Variants in ZFAT observed in about 807,000 individuals in gnomAD.
The protein encoded by ZFAT is zinc finger protein ZFAT.
ZFAT carries 64 observed loss-of-function variants against 117.7 expected under a neutral mutation model. The observed-to-expected ratio is 0.54, with a 90% CI of 0.44 to 0.67. The LOEUF (loss-of-function observed/expected upper bound fraction) is 0.67, where lower values mean the gene tolerates loss of function less well. ZFAT is among the 30% of genes least tolerant of loss of function. The pLI, the probability that ZFAT is intolerant of heterozygous loss-of-function variation, is 0.00. For missense variants in ZFAT, 1,433 were observed against 1,584.5 expected (o/e 0.90, Z 1.62); for synonymous variants, 679 against 615.0 (o/e 1.10, Z -1.54).
At chr8:134,809,956 G>C in the ZFAT span, among the ~76,000 whole-genome samples, 1 of 152,116 alleles carries the variant, frequency 6.6e-6, no homozygotes, top group Non-Finnish European at 1.5e-5. Flanking sequence ...AACACATAGA[G>C]CTAACTGAGT....
chr8:134,478,602 G>A lies in ZFAT; in HGVS notation c.3612C>T (p.Gly1204=). The A allele has an allele frequency of 1.9e-6, 3 of 1,591,834 alleles. No individual in the cohort carries two copies. The highest frequency in any genetic ancestry group is 2.6e-6 in the Non-Finnish European group (3 of 1,169,574). The change falls in exon 16 of 16, where the codon GGC becomes GGT. Residue 1204 remains glycine (G), a synonymous_variant. Transcript: ENST00000377838. The surrounding 1 kb of genome is among the most constrained non-coding windows in gnomAD (Gnocchi z 5.2). ...GCGTGTAGACAGTCACCGTCTCAAT[G>A]CCCTCCACGTCGTCGGAGGACACCA... is the stretch of plus-strand genomic sequence containing the variant. The part of the protein sequence containing the change: ...HLVVSSDDVE[G]IETVTVYTQG...
At chr8:134,553,510 T>C (rs1219848049) in intron 11 of ZFAT, among the ~76,000 whole-genome samples, 1 of 152,082 alleles carries the variant, frequency 6.6e-6, no homozygotes, top group Non-Finnish European at 1.5e-5. Context: ...CTCAGTGACA[T>C]ATTTATGTGG....
chr8:134,747,027 A>G, the ZFAT span, among the ~76,000 whole-genome samples: 3 of 152,158 alleles, frequency 2.0e-5, no homozygotes, highest in Admixed American at 1.3e-4. Flanking sequence ...ATCAGAGCCT[A>G]ATGTTTTATC....
At chr8:134,608,990 C>T (rs1828114980) in intron 4 of ZFAT, 111 bp from the exon 5 acceptor site, 2 of 1,281,220 alleles carry the variant, frequency 1.6e-6, no homozygotes, top group Non-Finnish European at 2.1e-6. Flanking sequence ...CTGTCTGATA[C>T]CCACGCAAGA....
chr8:134,780,582 C>A, the ZFAT span, among the ~76,000 whole-genome samples: 56,254 of 152,160 alleles, frequency 0.37, 10,942 homozygotes, highest in African/African-American at 0.48. Flanking sequence ...AGCCAGAAAT[C>A]GGGGTTCAAA....
chr8:134,506,434 G>A (rs767565404), intron 15 of ZFAT, among the ~76,000 whole-genome samples: 25 of 152,326 alleles, frequency 1.6e-4, no homozygotes, highest in Non-Finnish European at 2.9e-4. Context: ...ACAAGAAGTC[G>A]TTGAGGACAG....
chr8:134,545,928 GA>G (rs1045391121), intron 11 of ZFAT, among the ~76,000 whole-genome samples: 2 of 152,156 alleles, frequency 1.3e-5, no homozygotes, highest in African/African-American at 4.8e-5. Flanking sequence ...ACAGTAAAAA[GA>G]AATGTATGAC....
chr8:134,728,955 T>A, the ZFAT span, among the ~76,000 whole-genome samples: 2 of 152,210 alleles, frequency 1.3e-5, no homozygotes, highest in African/African-American at 4.8e-5. Context: ...AGAAAATATA[T>A]GACTTTTTAT....
chr8:134,819,178 C>A, the ZFAT span, among the ~76,000 whole-genome samples: 3 of 151,234 alleles, frequency 2.0e-5, no homozygotes, highest in Non-Finnish European at 4.4e-5. Context: ...TACTTACTTG[C>A]AATAAAACTG....
chr8:134,661,069 G>A (rs754304666), intron 1 of ZFAT, among the ~76,000 whole-genome samples: 11 of 152,250 alleles, frequency 7.2e-5, no homozygotes, highest in African/African-American at 1.2e-4. Flanking sequence ...GCTCCGCCAC[G>A]TGACGTGGGC....
intron 15 of ZFAT, among the ~76,000 whole-genome samples, chr8:134,499,735 G>T (rs988394780): frequency 5.3e-5 from 8 of 152,250 alleles, no homozygotes; most frequent in Non-Finnish European, 5.9e-5. Flanking sequence ...GACACTGCTG[G>T]CCGGGGGACT....
At chr8:134,749,741 A>G in the ZFAT span, among the ~76,000 whole-genome samples, 1 of 152,238 alleles carries the variant, frequency 6.6e-6, no homozygotes, top group African/African-American at 2.4e-5. Context: ...TAAAAATGTT[A>G]TCCTTTACCT....
chr8:134,783,074 G>A, the ZFAT span, among the ~76,000 whole-genome samples: 1 of 151,696 alleles, frequency 6.6e-6, no homozygotes, highest in African/African-American at 2.4e-5. Context: ...TTTAGTAATT[G>A]TTTTGTTTTT....
At chr8:134,755,851 A>AG in the ZFAT span, among the ~76,000 whole-genome samples, 1 of 152,014 alleles carries the variant, frequency 6.6e-6, no homozygotes, top group South Asian at 2.1e-4. Flanking sequence ...AAGAAAAAAA[A>AG]AAGATAAAAG....
intron 1 of ZFAT, among the ~76,000 whole-genome samples, chr8:134,683,062 T>C (rs893507917): frequency 1.3e-5 from 2 of 152,250 alleles, no homozygotes; most frequent in African/African-American, 2.4e-5. Context: ...CATAACATAT[T>C]GAGTTTGTTG....
chr8:134,566,393 C>CAAAAAAAAAAAAAAAAAAA (rs57041885), intron 10 of ZFAT, among the ~76,000 whole-genome samples: 35 of 77,238 alleles, frequency 4.5e-4, no homozygotes, highest in African/African-American at 6.4e-4. Flanking sequence ...GACTCCAACT[C>CAAAAAAAAAAAAAAAAAAA]AAAAAAAAAA....
chr8:134,637,437 G>C (rs1563708822), intron 3 of ZFAT, 24 bp downstream of exon 3: 1 of 1,596,494 alleles, frequency 6.3e-7, no homozygotes, highest in Non-Finnish European at 8.6e-7. Context: ...AAATTGACAT[G>C]TTCAGCCCTT....
At chr8:134,696,407 G>A (rs1050622793) in intron 1 of ZFAT, 2 of 985,588 alleles carry the variant, frequency 2.0e-6, no homozygotes, top group Non-Finnish European at 2.4e-6. Context: ...AGTTCAGAGT[G>A]GAAACTCGCA....
intron 15 of ZFAT, among the ~76,000 whole-genome samples, chr8:134,502,140 A>G (rs1819034224): frequency 6.6e-6 from 1 of 152,134 alleles, no homozygotes; most frequent in Non-Finnish European, 1.5e-5. Context: ...TCATTATTTC[A>G]CCACAAGTCT....
Sources: allele counts gnomAD v4.1 joint callset (sites outside exome capture counted in the v4.1 genomes callset), GRCh38; gene constraint gnomAD v4.1.1; non-coding constraint Gnocchi (gnomAD v3.1); transcripts MANE v1.5; gene names NCBI Gene and HGNC (gene_info 2026-07-23, HGNC 2026-07-21).